SLC39A12: variants seen among roughly 807,000 people sequenced by gnomAD.
SLC39A12 encodes zinc transporter ZIP12.
A neutral mutation model predicts 71.1 loss-of-function variants in SLC39A12; 63 were observed. The observed-to-expected ratio is 0.89, with a 90% CI of 0.72 to 1.09. The LOEUF (loss-of-function observed/expected upper bound fraction) is 1.09, where lower values mean the gene tolerates loss of function less well. Ranked by LOEUF, SLC39A12 falls within the 50% of genes least tolerant of loss-of-function variation. SLC39A12 has a pLI of 0.00. For synonymous variants in SLC39A12, 351 were observed against 301.3 expected (o/e 1.16, Z -1.71); for missense variants, 892 against 812.6 (o/e 1.10, Z -1.19).
rs144763915 is a variant in SLC39A12 at position 18,025,627 on chromosome 10, C to A, written c.1948-17078C>A. Among the ~76,000 whole-genome samples the A allele has an allele frequency of 9.1e-3, 1,382 of 152,262 alleles. 23 individuals carry two copies. Among genetic ancestry groups the A allele is most frequent in the African/African-American group, 0.031 (1,274 of 41,540 alleles). On this transcript the variant is annotated intron_variant, in intron 12 of 12. Transcript: ENST00000377369. ...ATGTGCCACATTTTCTTAATCCAGT[C>A]TATCATTGTTGGACATTTGGGTTGG...
intron 12 of SLC39A12, among the ~76,000 whole-genome samples, chr10:18,009,395 C>T (rs1294112982): frequency 6.6e-6 from 1 of 152,124 alleles, no homozygotes; most frequent in East Asian, 1.9e-4. Flanking sequence ...GCCCAGGTGC[C>T]CCCTCCAGGT....
chr10:17,981,523 A>C (rs756375152), intron 6 of SLC39A12, 40 bp downstream of exon 6: 4 of 1,505,338 alleles, frequency 2.7e-6, no homozygotes, highest in East Asian at 4.6e-5. Context: ...GATGTGCACA[A>C]TGTATGCAAT....
chr10:18,015,410 T>A (rs1836349031), intron 12 of SLC39A12, among the ~76,000 whole-genome samples: 1 of 152,142 alleles, frequency 6.6e-6, no homozygotes, highest in Non-Finnish European at 1.5e-5. Flanking sequence ...GTTTTTTTCA[T>A]TTTTTCTCTG....
chr10:17,998,285 T>A (rs1192760773), intron 10 of SLC39A12, among the ~76,000 whole-genome samples: 1 of 128,042 alleles, frequency 7.8e-6, no homozygotes, highest in Non-Finnish European at 1.8e-5. Flanking sequence ...TAGGCCACAC[T>A]GGTTTCTAGC....
chr10:17,953,591 G>T lies in SLC39A12; in HGVS notation c.261+54G>T, dbSNP rs1216897205. 3.4e-5 allele frequency: 53 copies of T among 1,571,390 alleles called. No individual in the cohort carries two copies. The East Asian group carries it at 1.1e-3, about 33-fold the overall frequency. On this transcript the variant is annotated intron_variant, in intron 2 of 12. Transcript: ENST00000377369. ...CAGGGCATGTCCAAAAGAAAGCAAT[G>T]GATTCTATAGGGATTTATTTCAGTA...
intron 10 of SLC39A12, among the ~76,000 whole-genome samples, chr10:17,997,031 AAAAAAAGAAAAAG>A (rs994140755): frequency 4.6e-5 from 7 of 151,492 alleles, no homozygotes; most frequent in South Asian, 2.1e-4. Flanking sequence ...TCAAAAAAAA[AAAAAAAGAAAAAG>A]AAAAAAGAAA....
intron 12 of SLC39A12, among the ~76,000 whole-genome samples, chr10:18,013,356 T>TTATTAA (rs1157756721): frequency 4.6e-5 from 6 of 129,852 alleles, no homozygotes; most frequent in African/African-American, 1.7e-4. Context: ...TTTATTATTA[T>TTATTAA]TATTATTATT....
rs201107118 is a variant in SLC39A12, at chr10:17,987,609, C to T, written c.1227C>T (p.Val409=). The part of the protein sequence containing the change: ...LILQLFVGLA[V]GTLSGDALLH... ...TACAGCTGTTTGTGGGCTTGGCCGT[C>T]GGGACACTGTCTGGGGACGCTCTGC... Residue 409 remains valine, a synonymous_variant, in exon 7 of 13, where the codon GTC becomes GTT. Transcript: ENST00000377369. The T allele has an allele frequency of 8.1e-6, 13 of 1,614,132 alleles. No homozygotes were observed. Among genetic ancestry groups the T allele is most frequent in the East Asian group, 4.5e-5 (2 of 44,874 alleles).
intron 7 of SLC39A12, among the ~76,000 whole-genome samples, chr10:17,988,916 T>C (rs1835472831): frequency 6.6e-6 from 1 of 151,732 alleles, no homozygotes; most frequent in Non-Finnish European, 1.5e-5. Context: ...TTATCCTTTC[T>C]TTATACCCTT....
intron 12 of SLC39A12, among the ~76,000 whole-genome samples, chr10:18,038,476 C>T (rs1837125655): frequency 6.6e-6 from 1 of 152,026 alleles, no homozygotes; most frequent in Admixed American, 6.6e-5. Context: ...CATGGTGAAA[C>T]CCAGTCTCTA....
At chr10:17,959,497 T>A (rs1029274135) in intron 2 of SLC39A12, among the ~76,000 whole-genome samples, 1 of 152,324 alleles carries the variant, frequency 6.6e-6, no homozygotes, top group South Asian at 2.1e-4. Context: ...CAGCAGACCT[T>A]GAATTAGAAC....
At chr10:17,993,577 A>G (rs1174509489) in intron 9 of SLC39A12, among the ~76,000 whole-genome samples, 1 of 152,212 alleles carries the variant, frequency 6.6e-6, no homozygotes, top group Admixed American at 6.5e-5. Context: ...TTGTGTTTAC[A>G]AGTTTTCATA....
chr10:18,003,516 A>T, intron 12 of SLC39A12, 158 bp downstream of exon 12: 1 of 595,434 alleles, frequency 1.7e-6, no homozygotes, highest in Non-Finnish European at 2.6e-6. Flanking sequence ...AAGAAAGTGC[A>T]TTCTGGGCAG....
intron 10 of SLC39A12, among the ~76,000 whole-genome samples, chr10:17,998,387 G>A (rs1835743934): frequency 6.6e-6 from 1 of 152,130 alleles, no homozygotes; most frequent in African/African-American, 2.4e-5. Flanking sequence ...AAGTTTATTT[G>A]CATGTTGCAG....
intron 12 of SLC39A12, among the ~76,000 whole-genome samples, chr10:18,039,866 A>G (rs531822336): frequency 7.2e-5 from 11 of 152,236 alleles, no homozygotes; most frequent in Non-Finnish European, 1.5e-4. Context: ...GAATTCTGCC[A>G]TGTCCACTGT....
intron 12 of SLC39A12, among the ~76,000 whole-genome samples, chr10:18,031,058 T>C (rs1439059132): frequency 4.7e-5 from 7 of 150,292 alleles, no homozygotes; most frequent in Admixed American, 4.6e-4. Flanking sequence ...TGTTGGACAT[T>C]TGGGTTGGTT....
intron 12 of SLC39A12, among the ~76,000 whole-genome samples, chr10:18,011,522 A>G (rs1173401423): frequency 2.6e-5 from 4 of 152,254 alleles, no homozygotes; most frequent in African/African-American, 9.6e-5. Flanking sequence ...GCAGTAGGCT[A>G]TAAGTCGTTA....
chr10:17,967,886 C>CAA (rs1175508363), intron 4 of SLC39A12, among the ~76,000 whole-genome samples: 50 of 131,452 alleles, frequency 3.8e-4, no homozygotes, highest in African/African-American at 7.8e-4. Flanking sequence ...GACTCCGCCT[C>CAA]AAAAAAAAAA....
intron 7 of SLC39A12, among the ~76,000 whole-genome samples, chr10:17,990,671 G>A (rs1158054074): frequency 2.0e-5 from 3 of 152,042 alleles, no homozygotes; most frequent in African/African-American, 4.8e-5. Flanking sequence ...AGTTCTTCAC[G>A]GTGGATTTCT....
Sources: allele counts gnomAD v4.1 joint callset (sites outside exome capture counted in the v4.1 genomes callset), GRCh38; gene constraint gnomAD v4.1.1; transcripts MANE v1.5; gene names NCBI Gene and HGNC (gene_info 2026-07-23, HGNC 2026-07-21).